SLC66A2: variants seen among roughly 807,000 people sequenced by gnomAD.
The protein encoded by SLC66A2 is PQ loop repeat containing 1.
Under a neutral mutation model 25.5 loss-of-function variants are expected in SLC66A2, and 23 were observed. The ratio of observed to expected loss-of-function variants is 0.90; its 90% CI spans 0.65 to 1.28. SLC66A2 has a LOEUF of 1.28. SLC66A2 is among the 50% of genes most tolerant of loss of function. The probability of loss-of-function intolerance (pLI) is 0.00; values close to 1 mark genes in which losing one functional copy is unlikely to be tolerated. For synonymous variants in SLC66A2, 193 were observed against 166.5 expected (o/e 1.16, Z -1.23); for missense variants, 396 against 373.1 (o/e 1.06, Z -0.51).
chr18:79,913,291 A>G (rs1344005630), intron 5 of SLC66A2, among the ~76,000 whole-genome samples: 1 of 152,082 alleles, frequency 6.6e-6, no homozygotes. Context: ...GCTCCTCCCC[A>G]TCTGTCAACA....
At chr18:79,905,290 A>AT (rs574470706) in intron 5 of SLC66A2, among the ~76,000 whole-genome samples, 343 of 152,258 alleles carry the variant, frequency 2.3e-3, no homozygotes, top group Non-Finnish European at 3.9e-3. Context: ...TTTTCCTCCC[A>AT]TTTTTTATTC....
intron 3 of SLC66A2, among the ~76,000 whole-genome samples, chr18:79,942,580 C>A (rs8091135): frequency 0.97 from 147,333 of 152,272 alleles, 71,476 homozygotes; most frequent in East Asian, 1. Context: ...GCTGAGATCA[C>A]TCTCTCTCTC....
Position 79,904,258 on chromosome 18 carries a change from CT to C in SLC66A2, c.609-76del. The C allele has an allele frequency of 7.3e-7, 1 of 1,367,692 alleles. No homozygotes were observed. Among genetic ancestry groups the C allele is most frequent in the Non-Finnish European group, 1.0e-6 (1 of 967,396 alleles). 84.7% of individuals were successfully genotyped at this position (1,367,692 alleles called of 1,614,324 possible). A position where few individuals can be genotyped will look rare whatever the true frequency, so the allele number is the denominator to read the frequency against. On this transcript the variant is annotated intron_variant, in intron 5 of 5. Coordinates refer to ENST00000397778, the MANE Select transcript of SLC66A2 (RefSeq NM_025078.5). This position sits in a 1 kb window ranked among gnomAD's most constrained non-coding sequence, Gnocchi z 6.3. ...GCTCAGTCAGTGGGGAGGCCTGGGG[CT>C]TAGACAGCGGGGAGACCTGGGGCTC...
rs553748930 is a variant in SLC66A2 at position 79,917,208 on chromosome 18, C to A, written c.608+1976G>T. On this transcript the variant is annotated intron_variant, in intron 5 of 5. Transcript: ENST00000397778. This position sits in a 1 kb window ranked among gnomAD's most constrained non-coding sequence, Gnocchi z 6.0. Reference sequence around the variant, plus strand: ...CCGCCTCGGCCAGCATCTGGAAACTCGGGTTTGAAGAGGATTCCCACGTCC... The same window carrying A: ...CCGCCTCGGCCAGCATCTGGAAACTAGGGTTTGAAGAGGATTCCCACGTCC... Among the ~76,000 whole-genome samples the A allele has an allele frequency of 6.6e-6, 1 of 152,246 alleles. No homozygotes were observed. The highest frequency in any genetic ancestry group is 2.1e-4 in the South Asian group (1 of 4,834).
At chr18:79,906,048 T>G (rs143096807) in intron 5 of SLC66A2, among the ~76,000 whole-genome samples, 1 of 152,344 alleles carries the variant, frequency 6.6e-6, no homozygotes, top group Non-Finnish European at 1.5e-5. Flanking sequence ...AATTTTCAAA[T>G]GTATGGGCAT....
At chr18:79,912,462 A>G (rs2123240953) in intron 5 of SLC66A2, among the ~76,000 whole-genome samples, 1 of 152,308 alleles carries the variant, frequency 6.6e-6, no homozygotes, top group African/African-American at 2.4e-5. Flanking sequence ...TGAGAATACG[A>G]AGTGCAGGGA....
At chr18:79,948,419 C>A (rs902123110) in intron 2 of SLC66A2, among the ~76,000 whole-genome samples, 1 of 152,232 alleles carries the variant, frequency 6.6e-6, no homozygotes, top group Non-Finnish European at 1.5e-5. Context: ...CAGCTCACTG[C>A]AGCCTCGAAT....
intron 5 of SLC66A2, among the ~76,000 whole-genome samples, chr18:79,912,106 G>GC (rs1312544150): frequency 6.4e-5 from 1 of 15,684 alleles, no homozygotes; most frequent in South Asian, 3.4e-3. Flanking sequence ...GGGGACAGGA[G>GC]TGGGGGGGAC....
chr18:79,908,212 G>C (rs1982418726), intron 5 of SLC66A2, among the ~76,000 whole-genome samples: 1 of 152,122 alleles, frequency 6.6e-6, no homozygotes, highest in Admixed American at 6.5e-5. Flanking sequence ...TCCTCCAGCG[G>C]AAGAACTTTT....
intron 4 of SLC66A2, among the ~76,000 whole-genome samples, chr18:79,929,973 G>T (rs1257423732): frequency 6.6e-6 from 1 of 152,148 alleles, no homozygotes; most frequent in Admixed American, 6.5e-5. Context: ...TGACAGGAAA[G>T]GGCACCGGCA....
rs1324010734 is a variant in SLC66A2 at position 79,927,128 on chromosome 18, T to C, written c.391+6841A>G. ...CAGGGCAGGTCCCAGCCCTACCTGC[T>C]GCGTCTGCTTCTCCACCCCACTCCA... On this transcript the variant is annotated intron_variant, in intron 4 of 5. Transcript: ENST00000397778. This position sits in a 1 kb window ranked among gnomAD's most constrained non-coding sequence, Gnocchi z 6.2. Among the ~76,000 whole-genome samples, 1 of 152,248 alleles carries C rather than the reference T, an allele frequency of 6.6e-6. No individual in the cohort carries two copies. The highest frequency in any genetic ancestry group is 1.9e-4 in the East Asian group (1 of 5,196).
At chr18:79,929,300 G>A (rs1194069903) in intron 4 of SLC66A2, among the ~76,000 whole-genome samples, 1 of 152,190 alleles carries the variant, frequency 6.6e-6, no homozygotes, top group Non-Finnish European at 1.5e-5. Context: ...AATGAGTGGA[G>A]GCCAACAGCT....
chr18:79,923,908 G>A (rs1455158362), intron 4 of SLC66A2, among the ~76,000 whole-genome samples: 3 of 151,784 alleles, frequency 2.0e-5, no homozygotes, highest in South Asian at 2.1e-4. Flanking sequence ...GTGGTGGTGC[G>A]CACCTGTGAT....
Position 79,933,996 on chromosome 18 carries a change from T to C in SLC66A2, c.364A>G (p.Lys122Glu). Residue 122 changes from lysine to glutamate, a missense_variant, in exon 4 of 6, where the codon AAG becomes GAG. Transcript: ENST00000397778. Reference protein sequence around the residue: ...TAADSKDEEVKVAPRRSFLDF... With the variant: ...TAADSKDEEVEVAPRRSFLDF... ...AGGAAGGACCGCCTGGGGGCAACCT[T>C]GACTTCTTCATCCTTGCTATCTGCA... is the stretch of plus-strand genomic sequence containing the variant. 6.2e-7 allele frequency: 1 copy of C among 1,612,902 alleles called. No homozygotes were observed. The highest frequency in any genetic ancestry group is 8.5e-7 in the Non-Finnish European group (1 of 1,179,740).
intron 4 of SLC66A2, among the ~76,000 whole-genome samples, chr18:79,923,687 T>C (rs1034036800): frequency 7.2e-5 from 11 of 152,232 alleles, no homozygotes; most frequent in Non-Finnish European, 1.6e-4. Context: ...TGTCAATGAA[T>C]TTTTAGCTGT....
chr18:79,917,443 T>C lies in SLC66A2; in HGVS notation c.608+1741A>G, dbSNP rs1042316436. On this transcript the variant is annotated intron_variant, in intron 5 of 5. Coordinates refer to ENST00000397778, the MANE Select transcript of SLC66A2 (RefSeq NM_025078.5). The surrounding 1 kb of genome is among the most constrained non-coding windows in gnomAD (Gnocchi z 6.0). ...GACCCTCACCACGAGGCTGTGGTGA[T>C]GCTCTGGAGGGCACAGGCCTGGCAC... is the stretch of plus-strand genomic sequence containing the variant. Among the ~76,000 whole-genome samples, 2 of 152,154 alleles carry C rather than the reference T, an allele frequency of 1.3e-5. No homozygotes were observed. The highest frequency in any genetic ancestry group is 4.8e-5 in the African/African-American group (2 of 41,450).
intron 2 of SLC66A2, among the ~76,000 whole-genome samples, chr18:79,945,584 G>A (rs1181052493): frequency 1.3e-5 from 2 of 152,224 alleles, no homozygotes; most frequent in Admixed American, 6.5e-5. Flanking sequence ...ACAGAAGAAG[G>A]GAGGGTGATG....
intron 5 of SLC66A2, among the ~76,000 whole-genome samples, chr18:79,912,488 A>G (rs1039473409): frequency 2.0e-5 from 3 of 152,128 alleles, no homozygotes; most frequent in Admixed American, 2.0e-4. Flanking sequence ...GCCAAGCACA[A>G]GGTCACATAT....
chr18:79,934,103 G>A, intron 3 of SLC66A2, 81 bp from the exon 4 acceptor site: 1 of 1,078,568 alleles, frequency 9.3e-7, no homozygotes, highest in Non-Finnish European at 1.4e-6. Context: ...AAACAGCTGT[G>A]TTCCCAGAAC....
Sources: allele counts gnomAD v4.1 joint callset (sites outside exome capture counted in the v4.1 genomes callset), GRCh38; gene constraint gnomAD v4.1.1; non-coding constraint Gnocchi (gnomAD v3.1); transcripts MANE v1.5; gene names NCBI Gene and HGNC (gene_info 2026-07-23, HGNC 2026-07-21).